Variants in SEMA4C observed in about 807,000 individuals in gnomAD.
SEMA4C encodes the protein semaphorin-4C.
SEMA4C carries 19 observed loss-of-function variants against 89.0 expected under a neutral mutation model. That is an observed-to-expected ratio of 0.21 (90% CI 0.15 to 0.31). The LOEUF (loss-of-function observed/expected upper bound fraction) is 0.31, where lower values mean the gene tolerates loss of function less well. SEMA4C is among the 10% of genes least tolerant of loss of function. The probability of loss-of-function intolerance (pLI) is 1.00; values close to 1 mark genes in which losing one functional copy is unlikely to be tolerated. For synonymous variants in SEMA4C, 428 were observed against 472.7 expected (o/e 0.91, Z 1.23); for missense variants, 811 against 1,107.0 (o/e 0.73, Z 3.79).
At chr2:96,870,162 G>A, upstream of SEMA4C, 1 of 982,874 alleles carries the variant, frequency 1.0e-6, no homozygotes. Context: ...GGCCGCGAAG[G>A]CTCGCTCAGG....
At chr2:96,862,450 C>A (rs1384700858) in intron 12 of SEMA4C, 1 of 153,036 alleles carries the variant, frequency 6.5e-6, no homozygotes, top group Non-Finnish European at 1.5e-5. Flanking sequence ...CTAGGAACAG[C>A]AGGTCATGCC....
chr2:96,867,196 C>T (rs929736010), intron 2 of SEMA4C, among the ~76,000 whole-genome samples: 6 of 152,186 alleles, frequency 3.9e-5, no homozygotes, highest in South Asian at 2.1e-4. Flanking sequence ...AGACACAGAC[C>T]GGCATGGCAG....
chr2:96,869,839 C>G (rs2080168066), intron 1 of SEMA4C, 37 bp downstream of exon 1: 1 of 985,440 alleles, frequency 1.0e-6, no homozygotes. Flanking sequence ...TCCGGGGCCC[C>G]GCGGCTCCAG....
intron 1 of SEMA4C, 108 bp from the exon 2 acceptor site, chr2:96,868,031 C>T: frequency 1.4e-6 from 2 of 1,413,220 alleles, no homozygotes; most frequent in East Asian, 5.1e-5. Flanking sequence ...CCAGGAGCCC[C>T]GGTGCCCTCC....
upstream of SEMA4C, chr2:96,870,826 T>G: frequency 1.1e-6 from 1 of 909,358 alleles, no homozygotes; most frequent in Non-Finnish European, 1.3e-6. Flanking sequence ...ACCACCAGCC[T>G]CCGCCCACAG....
chr2:96,866,578 C>T, intron 2 of SEMA4C, 147 bp from the exon 3 acceptor site: 7 of 1,182,270 alleles, frequency 5.9e-6, no homozygotes, highest in Non-Finnish European at 8.6e-6. Context: ...TTGAAACAGC[C>T]TTTGGCCCTG....
upstream of SEMA4C, chr2:96,870,319 T>TGGAG: frequency 1.0e-6 from 1 of 984,680 alleles, no homozygotes; most frequent in Non-Finnish European, 1.2e-6. Flanking sequence ...CCACAGCGCC[T>TGGAG]GGAGGGAGGT....
At chr2:96,869,239 G>T in intron 1 of SEMA4C, 4 of 985,310 alleles carry the variant, frequency 4.1e-6, no homozygotes, top group Non-Finnish European at 4.8e-6. Flanking sequence ...CCCGGCAGCG[G>T]TGCTCCCACC....
chr2:96,861,531 G>A lies in SEMA4C; in HGVS notation c.1672+48C>T. ...GGGGAAGAGGAGAACAGAAACTCCA[G>A]CTCTGGTCCAGGGCTCAGCCCGATG... On this transcript the variant is annotated intron_variant, in intron 14 of 14. Coordinates refer to ENST00000305476, the MANE Select transcript of SEMA4C (RefSeq NM_017789.5). This position sits in a 1 kb window ranked among gnomAD's most constrained non-coding sequence, Gnocchi z 7.8. 1 of 1,608,244 alleles carries A rather than the reference G, an allele frequency of 6.2e-7. No homozygotes were observed. Among genetic ancestry groups the A allele is most frequent in the Non-Finnish European group, 8.5e-7 (1 of 1,175,364 alleles).
At chr2:96,870,466 G>A (rs1006780416), upstream of SEMA4C, 3 of 941,672 alleles carry the variant, frequency 3.2e-6, no homozygotes, top group East Asian at 3.5e-4. Context: ...GAACGACCGC[G>A]GGCGAGCCAC....
intron 1 of SEMA4C, chr2:96,868,717 G>A (rs923834654): frequency 6.1e-6 from 6 of 984,988 alleles, no homozygotes; most frequent in East Asian, 1.1e-4. Context: ...TCGAGTCGGG[G>A]ACTCCGGCGG....
chr2:96,865,909 C>T lies in SEMA4C; in HGVS notation c.279G>A (p.Val93=), dbSNP rs776414934. The change falls in exon 4 of 15, where the codon GTG becomes GTA. Residue 93 remains valine, a synonymous_variant. Transcript: ENST00000305476. ...LQGAISWEAP[V]EKKTECIQKG... Reference sequence around the variant, plus strand: ...TCTGGATACACTCAGTCTTCTTCTCCACGGGGGCCTCCCAGGAGATCTGGG... The same window carrying T: ...TCTGGATACACTCAGTCTTCTTCTCTACGGGGGCCTCCCAGGAGATCTGGG... 2 of 1,614,078 alleles carry T rather than the reference C, an allele frequency of 1.2e-6. No individual in the cohort carries two copies. The highest frequency in any genetic ancestry group is 2.2e-5 in the East Asian group (1 of 44,884).
In SEMA4C at chr2:96,864,680, T is replaced by C. The variant is rs769447935; in HGVS notation, c.962+25A>G. On this transcript the variant is annotated intron_variant, in intron 9 of 14. Transcript: ENST00000305476. The surrounding 1 kb of genome is among the most constrained non-coding windows in gnomAD (Gnocchi z 6.3). The stretch of plus-strand genomic sequence containing the variant: ...GACCTGAACCCCAGCTCCTCCCCAC[T>C]CTGTGGGAGCCCTGGCCAACTCACC... 2 of 1,585,846 alleles carry C rather than the reference T, an allele frequency of 1.3e-6. No homozygotes were observed. Among genetic ancestry groups the C allele is most frequent in the Non-Finnish European group, 8.6e-7 (1 of 1,162,640 alleles).
At chr2:96,870,084 G>C, upstream of SEMA4C, 1 of 972,130 alleles carries the variant, frequency 1.0e-6, no homozygotes, top group Non-Finnish European at 1.2e-6. Context: ...TTTCTCCAGC[G>C]CGGCCGCGGC....
chr2:96,865,999 G>A, intron 3 of SEMA4C, 70 bp from the exon 4 acceptor site: 1 of 1,501,848 alleles, frequency 6.7e-7, no homozygotes, highest in Non-Finnish European at 9.2e-7. Context: ...AGCACAGCCT[G>A]CAGCAGCAAC....
intron 12 of SEMA4C, 192 bp downstream of exon 12, chr2:96,863,490 C>T (rs2079999206): frequency 1.1e-6 from 1 of 897,502 alleles, no homozygotes; most frequent in African/African-American, 1.8e-5. Flanking sequence ...CTGTGCAGTG[C>T]AGATTCCATT....
At chr2:96,869,210 G>T in intron 1 of SEMA4C, 1 of 985,386 alleles carries the variant, frequency 1.0e-6, no homozygotes, top group Non-Finnish European at 1.2e-6. Flanking sequence ...CGCACCCCGT[G>T]GCGTGCTCCG....
At chr2:96,863,536 G>T in intron 12 of SEMA4C, 146 bp downstream of exon 12, 2 of 1,259,822 alleles carry the variant, frequency 1.6e-6, no homozygotes, top group Non-Finnish European at 2.2e-6. Flanking sequence ...CCCACCCCAA[G>T]TTAGGCAAGG....
In SEMA4C at chr2:96,860,464, G is replaced by T; in HGVS notation, c.*162C>A. 1 of 594,872 alleles carries T rather than the reference G, an allele frequency of 1.7e-6. No individual in the cohort carries two copies. Among genetic ancestry groups the T allele is most frequent in the Non-Finnish European group, 2.8e-6 (1 of 357,106 alleles). 36.8% of individuals were successfully genotyped at this position (594,872 alleles called of 1,614,324 possible). A position where few individuals can be genotyped will look rare whatever the true frequency, so the allele number is the denominator to read the frequency against. ...CTGGTGAGCCACACCAAGTGGCAGT[G>T]CCCGTGCTGAGCAGAGCAGGTCCTC... On this transcript the variant is annotated 3_prime_UTR_variant, in exon 15 of 15. Transcript: ENST00000305476.
Sources: gnomAD v4.1 joint callset for allele counts (sites outside exome capture counted in the v4.1 genomes callset) on GRCh38, gnomAD v4.1.1 for gene constraint, Gnocchi (gnomAD v3.1) non-coding constraint, MANE v1.5 for transcripts, NCBI Gene and HGNC (gene_info 2026-07-23, HGNC 2026-07-21) for gene names.